The following MTARC1 variants were observed in gnomAD, a reference collection of about 807,000 sequenced individuals.
The protein encoded by MTARC1 is mitochondrial amidoxime reducing component 1.
MTARC1 carries 24 observed loss-of-function variants against 33.6 expected under a neutral mutation model. That is an observed-to-expected ratio of 0.72 (90% CI 0.52 to 1.01). The LOEUF (loss-of-function observed/expected upper bound fraction) is 1.01. Among genes scored for constraint, MTARC1 ranks in the 50% least tolerant of loss-of-function variants. The pLI is 0.00. For missense variants in MTARC1, 417 were observed against 445.7 expected (o/e 0.94, Z 0.58); for synonymous variants, 187 against 189.5 (o/e 0.99, Z 0.11).
chr1:220,798,664 T>G, intron 4 of MTARC1: 1 of 873,308 alleles, frequency 1.1e-6, no homozygotes, highest in Non-Finnish European at 1.4e-6. Flanking sequence ...CAGAGGTTGG[T>G]GGCCTAGAGG....
intron 4 of MTARC1, among the ~76,000 whole-genome samples, chr1:220,801,109 A>G (rs1672786096): frequency 6.6e-6 from 1 of 152,130 alleles, no homozygotes; most frequent in Non-Finnish European, 1.5e-5. Flanking sequence ...CTTCAAGTAA[A>G]AGATGGGATC....
In MTARC1 at chr1:220,814,779, G is replaced by A. The variant is rs1673240624; in HGVS notation, c.*1361G>A. ...GGAAAAAAAAAGAAAGCTGACTGAGGTGAATGGGCAAAGCCAGTAATTCTG... is the reference window on the plus strand; with the variant it reads ...GGAAAAAAAAAGAAAGCTGACTGAGATGAATGGGCAAAGCCAGTAATTCTG... On this transcript the variant is annotated 3_prime_UTR_variant, in exon 7 of 7. Coordinates refer to ENST00000366910, the MANE Select transcript of MTARC1 (RefSeq NM_022746.4). The A allele has an allele frequency of 6.6e-6, 1 of 152,162 alleles. No homozygotes were observed. Among genetic ancestry groups the A allele is most frequent in the African/African-American group, 2.4e-5 (1 of 41,412 alleles). 9.4% of individuals were successfully genotyped at this position (152,162 alleles called of 1,614,324 possible).
chr1:220,797,241 A>T (rs1383623208), intron 3 of MTARC1, among the ~76,000 whole-genome samples: 1 of 152,156 alleles, frequency 6.6e-6, no homozygotes, highest in East Asian at 1.9e-4. Context: ...TTCATCATAA[A>T]AGCAGGGTTT....
chr1:220,798,294 T>C, intron 4 of MTARC1: 1 of 1,321,858 alleles, frequency 7.6e-7, no homozygotes, highest in Non-Finnish European at 9.8e-7. Flanking sequence ...TTGAGTCACA[T>C]TTTCTTGCAT....
Position 220,813,466 on chromosome 1 carries a change from C to G in MTARC1, c.*48C>G. 6.2e-7 allele frequency: 1 copy of G among 1,603,296 alleles called. No homozygotes were observed. The highest frequency in any genetic ancestry group is 8.5e-7 in the Non-Finnish European group (1 of 1,172,670). On this transcript the variant is annotated 3_prime_UTR_variant, in exon 7 of 7. Coordinates refer to ENST00000366910, the MANE Select transcript of MTARC1 (RefSeq NM_022746.4). ...ATTAGATGCCTTTTAAAAATGTTCT[C>G]AAAAATGACAACACTTGAAGCATGG...
At chr1:220,799,727 C>A (rs1301256747) in intron 4 of MTARC1, among the ~76,000 whole-genome samples, 2 of 152,084 alleles carry the variant, frequency 1.3e-5, no homozygotes, top group South Asian at 2.1e-4. Context: ...CCAGAGGAAC[C>A]CTGAGAATTC....
In MTARC1 at chr1:220,787,186, C is replaced by T; in HGVS notation, c.242C>T (p.Ala81Val). The T allele has an allele frequency of 5.1e-6, 8 of 1,579,900 alleles. No homozygotes were observed. Among genetic ancestry groups the T allele is most frequent in the Non-Finnish European group, 6.9e-6 (8 of 1,163,908 alleles). Residue 81 changes from alanine to valine, a missense_variant, in exon 1 of 7, where the codon GCC (alanine) becomes GTC (valine). By Grantham distance (64) the Ala-to-Val change is moderately conservative. Transcript: ENST00000366910. Reference protein sequence around the residue: ...GVPVSEAECTAMGLRSGNLRD... With the variant: ...GVPVSEAECTVMGLRSGNLRD... ...CCGGTGAGCGAGGCGGAGTGCACGG[C>T]CATGGGGCTGCGCAGCGGCAACCTG...
In MTARC1 at chr1:220,798,032, T is replaced by G; in HGVS notation, c.753+18T>G. ...ATGCAGAGGTAACACTATGCCCCTT[T>G]GGATCTTTCCTTGGATTTGACTTCT... On this transcript the variant is annotated intron_variant, in intron 4 of 6. Transcript: ENST00000366910. The G allele has an allele frequency of 6.2e-7, 1 of 1,614,218 alleles. No individual in the cohort carries two copies. The highest frequency in any genetic ancestry group is 2.2e-5 in the East Asian group (1 of 44,876).
chr1:220,810,638 T>C (rs1673101980), intron 6 of MTARC1, among the ~76,000 whole-genome samples: 1 of 149,824 alleles, frequency 6.7e-6, no homozygotes. Context: ...GGTCCTCTGC[T>C]CCTCATTACC....
intron 4 of MTARC1, chr1:220,799,300 C>A (rs762718569): frequency 2.0e-6 from 1 of 495,352 alleles, no homozygotes; most frequent in Non-Finnish European, 2.6e-6. Context: ...GTGTGCATGT[C>A]CCCCAAGGTC....
At chr1:220,808,645 G>C (rs763647137) in intron 6 of MTARC1, among the ~76,000 whole-genome samples, 4 of 152,210 alleles carry the variant, frequency 2.6e-5, no homozygotes, top group Admixed American at 6.5e-5. Context: ...TGGAATGCCA[G>C]CGCTCAGCTG....
At chr1:220,799,822 A>C (rs1333359782) in intron 4 of MTARC1, among the ~76,000 whole-genome samples, 1 of 152,218 alleles carries the variant, frequency 6.6e-6, no homozygotes, top group East Asian at 1.9e-4. Context: ...CAGGTCACCA[A>C]ACTCGCCGAG....
chr1:220,812,291 A>G (rs1673159497), intron 6 of MTARC1, among the ~76,000 whole-genome samples: 1 of 152,244 alleles, frequency 6.6e-6, no homozygotes, highest in South Asian at 2.1e-4. Flanking sequence ...CCTACATACC[A>G]GGCTGAATAG....
intron 2 of MTARC1, among the ~76,000 whole-genome samples, chr1:220,792,846 T>G (rs1483807878): frequency 6.6e-6 from 1 of 152,182 alleles, no homozygotes; most frequent in Admixed American, 6.5e-5. Flanking sequence ...AGGATACCAT[T>G]TTTCATGTTG....
intron 4 of MTARC1, among the ~76,000 whole-genome samples, chr1:220,804,311 A>G (rs767323949): frequency 3.3e-5 from 5 of 152,220 alleles, no homozygotes; most frequent in African/African-American, 4.8e-5. Flanking sequence ...TTGCCAGCAC[A>G]GTTAAACCAA....
chr1:220,798,349 C>A, intron 4 of MTARC1: 1 of 1,213,382 alleles, frequency 8.2e-7, no homozygotes, highest in Non-Finnish European at 1.0e-6. Context: ...AAAGTGTGTG[C>A]TCCTGTCTTG....
intron 4 of MTARC1, among the ~76,000 whole-genome samples, chr1:220,802,299 GC>G (rs1372764255): frequency 6.6e-6 from 1 of 151,682 alleles, no homozygotes; most frequent in Non-Finnish European, 1.5e-5. Context: ...TCCCACCCCA[GC>G]CCCTACACCC....
chr1:220,807,605 A>ACAAC (rs1673009378), intron 6 of MTARC1, among the ~76,000 whole-genome samples: 1 of 152,066 alleles, frequency 6.6e-6, no homozygotes, highest in African/African-American at 2.4e-5. Flanking sequence ...AAACAAACAA[A>ACAAC]AAAACAAATA....
chr1:220,813,425 C>A lies in MTARC1; in HGVS notation c.*7C>A. ...GTACCTGCTGGGCCAGTAATGGGAACCGTATGTCCTGGAATATTAGATGCC... is the reference window on the plus strand; with the variant it reads ...GTACCTGCTGGGCCAGTAATGGGAAACGTATGTCCTGGAATATTAGATGCC... On this transcript the variant is annotated 3_prime_UTR_variant, in exon 7 of 7. Transcript: ENST00000366910. 1.2e-6 allele frequency: 2 copies of A among 1,614,074 alleles called. No homozygotes were observed. The highest frequency in any genetic ancestry group is 1.7e-6 in the Non-Finnish European group (2 of 1,179,980).
Sources: allele counts gnomAD v4.1 joint callset (sites outside exome capture counted in the v4.1 genomes callset), GRCh38; gene constraint gnomAD v4.1.1; transcripts MANE v1.5; gene names NCBI Gene and HGNC (gene_info 2026-07-23, HGNC 2026-07-21).